LARP1B: variants seen among roughly 807,000 people sequenced by gnomAD.
The protein encoded by LARP1B is la-related protein 1B.
A neutral mutation model predicts 114.2 loss-of-function variants in LARP1B; 76 were observed. The observed-to-expected ratio is 0.67, with a 90% confidence interval of 0.55 to 0.81. LARP1B has a LOEUF of 0.81. Ranked by LOEUF, LARP1B falls within the 30% of genes least tolerant of loss-of-function variation. The pLI is 0.00. For synonymous variants in LARP1B, 345 were observed against 348.0 expected (o/e 0.99, Z 0.10); for missense variants, 1,014 against 1,075.8 (o/e 0.94, Z 0.80).
At chr4:128,122,709 A>G (rs891131522) in intron 11 of LARP1B, 2 of 1,294,760 alleles carry the variant, frequency 1.5e-6, no homozygotes, top group Non-Finnish European at 2.0e-6. Context: ...ACTAAACTGG[A>G]TGATTATCTC....
chr4:128,156,263 C>G (rs1473365416), intron 11 of LARP1B: 21 of 1,102,018 alleles, frequency 1.9e-5, no homozygotes, highest in South Asian at 5.7e-5. Flanking sequence ...TCCCCTTCCC[C>G]CACCAGTCCA....
chr4:128,109,039 T>A (rs528695985), intron 9 of LARP1B: 1 of 160,874 alleles, frequency 6.2e-6, no homozygotes, highest in South Asian at 2.0e-4. Flanking sequence ...AGATGGTTAA[T>A]GAAGAAATAT....
chr4:128,176,202 A>AT (rs1025350566), intron 12 of LARP1B, among the ~76,000 whole-genome samples: 3 of 144,220 alleles, frequency 2.1e-5, no homozygotes, highest in Non-Finnish European at 3.0e-5. Context: ...ATTTTTATAT[A>AT]TTATATATTT....
intron 7 of LARP1B, among the ~76,000 whole-genome samples, chr4:128,094,916 T>G (rs536482145): frequency 6.6e-6 from 1 of 151,978 alleles, no homozygotes; most frequent in South Asian, 2.1e-4. Flanking sequence ...CATGGCCGAC[T>G]AATTTTGTAT....
intron 7 of LARP1B, among the ~76,000 whole-genome samples, chr4:128,097,498 G>T (rs1327143753): frequency 6.6e-6 from 1 of 151,778 alleles, no homozygotes; most frequent in East Asian, 1.9e-4. Context: ...GTAGAGACAG[G>T]TTTTCTGCAT....
chr4:128,155,882 T>C (rs1437490376), intron 11 of LARP1B: 21 of 1,555,490 alleles, frequency 1.4e-5, no homozygotes, highest in Non-Finnish European at 1.8e-5. Context: ...GAGCTGGTGC[T>C]GGAAGCCCAC....
intron 5 of LARP1B, among the ~76,000 whole-genome samples, chr4:128,089,826 A>G (rs1179686270): frequency 6.6e-6 from 1 of 151,588 alleles, no homozygotes; most frequent in Non-Finnish European, 1.5e-5. Flanking sequence ...GCTGGAGTGC[A>G]GTGGCAGGGT....
At chr4:128,170,494 T>G (rs983468383) in intron 12 of LARP1B, among the ~76,000 whole-genome samples, 1 of 152,208 alleles carries the variant, frequency 6.6e-6, no homozygotes, top group African/African-American at 2.4e-5. Flanking sequence ...TGTATTTTGC[T>G]TTATTTATTT....
chr4:128,142,843 A>C (rs1419375883), intron 11 of LARP1B, among the ~76,000 whole-genome samples: 1 of 151,136 alleles, frequency 6.6e-6, no homozygotes, highest in Non-Finnish European at 1.5e-5. Context: ...ATTCTTTTAC[A>C]CTCTTCCTAA....
intron 14 of LARP1B, 42 bp downstream of exon 14, chr4:128,178,684 C>A: frequency 7.3e-7 from 1 of 1,374,952 alleles, no homozygotes; most frequent in Non-Finnish European, 1.0e-6. Flanking sequence ...CATTTTGTAT[C>A]CTTTAACATT....
In LARP1B at chr4:128,154,654, C is replaced by T. The variant is rs570985856; in HGVS notation, c.1525-7540C>T. On this transcript the variant is annotated intron_variant, in intron 11 of 19. Coordinates refer to ENST00000326639, the MANE Select transcript of LARP1B (RefSeq NM_018078.4). ...AACCCCAGTTCAGATATTACTCTTC[C>T]AGGAAAATCTTATTTGATAAATTTT... 1.1e-3 allele frequency among the ~76,000 whole-genome samples: 165 copies of T among 152,282 alleles called. 1 individual carries two copies. In the South Asian group the frequency reaches 0.012, roughly 11 times the overall value.
At chr4:128,214,008 G>T (rs1271370444), downstream of LARP1B, among the ~76,000 whole-genome samples, 2 of 151,258 alleles carry the variant, frequency 1.3e-5, no homozygotes, top group Non-Finnish European at 2.9e-5. Context: ...AAGGGGTCAG[G>T]GAGTTCCCTT....
intron 12 of LARP1B, among the ~76,000 whole-genome samples, chr4:128,175,043 G>A (rs936459904): frequency 2.0e-5 from 3 of 152,002 alleles, no homozygotes; most frequent in African/African-American, 7.2e-5. Flanking sequence ...CTCTTCCCTT[G>A]TTTTTCCATG....
At chr4:128,125,141 A>G (rs1402736514) in intron 11 of LARP1B, among the ~76,000 whole-genome samples, 2 of 152,228 alleles carry the variant, frequency 1.3e-5, no homozygotes, top group African/African-American at 2.4e-5. Context: ...ATCAGGATAA[A>G]ACTATACAGA....
Position 128,082,220 on chromosome 4 carries a change from A to G in LARP1B, c.273A>G (p.Gln91=), listed in dbSNP as rs148060340. 8.4e-3 allele frequency: 13,626 copies of G among 1,613,070 alleles called. 91 individuals are homozygous for G. Among genetic ancestry groups the G allele is most frequent in the Non-Finnish European group, 8.9e-3 (10,448 of 1,179,854 alleles). The change falls in exon 5 of 20, where the codon CAA becomes CAG. Residue 91 remains glutamine, a synonymous_variant. Transcript: ENST00000326639. ...LHLDVVRSES[Q]ERPGSRNSSR... ...TAGATGTTGTAAGATCAGAGAGTCA[A>G]GAAAGACCTGGATCCCGGAACAGCT...
At chr4:128,133,965 G>A (rs1021326908) in intron 11 of LARP1B, among the ~76,000 whole-genome samples, 3 of 151,560 alleles carry the variant, frequency 2.0e-5, no homozygotes, top group African/African-American at 7.3e-5. Flanking sequence ...CCAAAGTGCT[G>A]GGATTACAGG....
intron 15 of LARP1B, among the ~76,000 whole-genome samples, chr4:128,183,547 C>T (rs1294186945): frequency 6.6e-6 from 1 of 152,196 alleles, no homozygotes; most frequent in Non-Finnish European, 1.5e-5. Context: ...CAGTGTACGT[C>T]ATCACCCAAG....
chr4:128,088,424 T>G (rs1446602510), intron 5 of LARP1B, among the ~76,000 whole-genome samples: 1 of 152,192 alleles, frequency 6.6e-6, no homozygotes, highest in Non-Finnish European at 1.5e-5. Context: ...TTCAGCCTAC[T>G]TTTCTTTAGA....
At chr4:128,145,282 C>T (rs908071669) in intron 11 of LARP1B, among the ~76,000 whole-genome samples, 1 of 152,094 alleles carries the variant, frequency 6.6e-6, no homozygotes, top group Admixed American at 6.6e-5. Flanking sequence ...TCTCTAGACT[C>T]GAGTGTGGAC....
Sources: gnomAD v4.1 joint callset for allele counts (sites outside exome capture counted in the v4.1 genomes callset) on GRCh38, gnomAD v4.1.1 for gene constraint, MANE v1.5 for transcripts, NCBI Gene and HGNC (gene_info 2026-07-23, HGNC 2026-07-21) for gene names.